NAA35: variants seen among roughly 807,000 people sequenced by gnomAD.
NAA35 encodes the protein MAK10 homolog, amino-acid N-acetyltransferase subunit.
A neutral mutation model predicts 101.7 loss-of-function variants in NAA35; 18 were observed. The observed-to-expected ratio is 0.18, with a 90% CI of 0.12 to 0.26. The LOEUF (loss-of-function observed/expected upper bound fraction) is 0.26, where lower values mean the gene tolerates loss of function less well. Among genes scored for constraint, NAA35 ranks in the 10% least tolerant of loss-of-function variants. The pLI, the probability that NAA35 is intolerant of heterozygous loss-of-function variation, is 1.00. For missense variants in NAA35, 601 were observed against 886.8 expected, an observed-to-expected ratio of 0.68 and a Z score of 4.09; for synonymous variants, 267 against 273.1, an observed-to-expected ratio of 0.98 and a Z score of 0.22.
At chr9:86,005,865 G>A (rs980446130) in intron 13 of NAA35, among the ~76,000 whole-genome samples, 1 of 151,278 alleles carries the variant, frequency 6.6e-6, no homozygotes, top group Non-Finnish European at 1.5e-5. Context: ...TCACCTTTCA[G>A]AATATCTTTA....
chr9:85,966,717 C>A, intron 6 of NAA35: 3 of 948,400 alleles, frequency 3.2e-6, no homozygotes, highest in Non-Finnish European at 4.4e-6. Flanking sequence ...ATTAGCACAG[C>A]TGTCTTGGCA....
At position 86,022,391 on chromosome 9, in the gene NAA35, G is replaced by A. The variant is rs902668321; in HGVS notation, c.*431G>A. Reference sequence around the variant, plus strand: ...TTAACATTTGAGTAGTTCCAAAAACGTTATCCAAAAGAAGTTTCAAATCAA... The same window carrying A: ...TTAACATTTGAGTAGTTCCAAAAACATTATCCAAAAGAAGTTTCAAATCAA... On this transcript the variant is annotated 3_prime_UTR_variant, in exon 23 of 23. Transcript: ENST00000361671. The A allele has an allele frequency of 6.5e-6, 1 of 152,852 alleles. No individual in the cohort carries two copies. The highest frequency in any genetic ancestry group is 6.5e-5 in the Admixed American group (1 of 15,280). The allele number at this position is 152,852 out of a possible 1,614,324, so 9.5% of individuals were successfully genotyped here. A position where few individuals can be genotyped will look rare whatever the true frequency, so the allele number is the denominator to read the frequency against.
Position 85,977,416 on chromosome 9 carries a change from G to C in NAA35, c.732G>C (p.Leu244=). The change falls in exon 10 of 23, where the codon CTG becomes CTC. Residue 244 remains leucine, a synonymous_variant. Transcript: ENST00000361671. Reference sequence around the variant, plus strand: ...GAGTGAAATTTACTCGTGTGTTACTGACAGTGCTTATAGCCTTTACTAAGA... The same window carrying C: ...GAGTGAAATTTACTCGTGTGTTACTCACAGTGCTTATAGCCTTTACTAAGA... The part of the protein sequence containing the change: ...FSRVKFTRVL[L]TVLIAFTKKE... 1 of 1,611,430 alleles carries C rather than the reference G, an allele frequency of 6.2e-7. No individual in the cohort carries two copies. The highest frequency in any genetic ancestry group is 8.5e-7 in the Non-Finnish European group (1 of 1,178,094).
chr9:86,015,076 T>G (rs1832138668), intron 17 of NAA35, among the ~76,000 whole-genome samples: 1 of 152,152 alleles, frequency 6.6e-6, no homozygotes, highest in Non-Finnish European at 1.5e-5. Context: ...TTTTGTTCCT[T>G]TTTATAGGGG....
intron 2 of NAA35, among the ~76,000 whole-genome samples, chr9:85,950,584 A>G (rs1828976194): frequency 6.6e-6 from 1 of 152,058 alleles, no homozygotes; most frequent in Non-Finnish European, 1.5e-5. Flanking sequence ...ATCTAGTCTA[A>G]CCTTTCATTT....
At chr9:85,989,275 A>G (rs1830790287) in intron 11 of NAA35, among the ~76,000 whole-genome samples, 1 of 151,886 alleles carries the variant, frequency 6.6e-6, no homozygotes, top group African/African-American at 2.4e-5. Context: ...GTTTGAGACC[A>G]GCCTGACCAA....
intron 6 of NAA35, among the ~76,000 whole-genome samples, chr9:85,970,949 TACTC>T (rs909170575): frequency 6.6e-6 from 1 of 152,234 alleles, no homozygotes; most frequent in Non-Finnish European, 1.5e-5. Context: ...TGTTTGTTAA[TACTC>T]ACAAACTGTC....
chr9:85,962,490 C>CAAAAAAAAAAAAAAA (rs781302881), intron 6 of NAA35, among the ~76,000 whole-genome samples: 20 of 85,818 alleles, frequency 2.3e-4, no homozygotes, highest in South Asian at 4.5e-4. Context: ...GACTCTGTCT[C>CAAAAAAAAAAAAAAA]AAAAAAAAAA....
chr9:85,987,203 G>C (rs1032512688), intron 11 of NAA35, among the ~76,000 whole-genome samples: 2 of 152,198 alleles, frequency 1.3e-5, no homozygotes, highest in African/African-American at 4.8e-5. Flanking sequence ...AGGATTGATT[G>C]TTGGTTTTAA....
intron 6 of NAA35, among the ~76,000 whole-genome samples, chr9:85,973,417 A>C (rs1830077853): frequency 6.6e-6 from 1 of 152,174 alleles, no homozygotes; most frequent in Admixed American, 6.5e-5. Flanking sequence ...AGTTGTCTGG[A>C]GGTGGTTACA....
intron 12 of NAA35, among the ~76,000 whole-genome samples, chr9:86,000,607 T>C (rs1831383121): frequency 6.6e-6 from 1 of 152,130 alleles, no homozygotes; most frequent in Non-Finnish European, 1.5e-5. Flanking sequence ...GGAATCAGTT[T>C]CTTCCTGGCT....
intron 5 of NAA35, among the ~76,000 whole-genome samples, chr9:85,961,491 T>C (rs935233649): frequency 1.3e-5 from 2 of 152,212 alleles, no homozygotes; most frequent in Admixed American, 6.5e-5. Flanking sequence ...GCCAGACATA[T>C]AGTGGTCACT....
Position 86,020,987 on chromosome 9 carries a change from A to G in NAA35, c.2118+18A>G. On this transcript the variant is annotated intron_variant, in intron 22 of 22. Coordinates refer to ENST00000361671, the MANE Select transcript of NAA35 (RefSeq NM_024635.4). ...AATCTAAAGTGAGTACATTGTGGGA[A>G]AAATAAGTGGTCTTAGATTATTGTG... 1 of 1,566,546 alleles carries G rather than the reference A, an allele frequency of 6.4e-7. No individual in the cohort carries two copies. Among genetic ancestry groups the G allele is most frequent in the Non-Finnish European group, 8.8e-7 (1 of 1,141,082 alleles).
At chr9:85,941,893 TTTC>T (rs1587541866) in intron 1 of NAA35, 4 of 1,170,976 alleles carry the variant, frequency 3.4e-6, no homozygotes, top group Admixed American at 4.2e-5. Context: ...GTTTGTGATT[TTTC>T]TTCTTAAACA....
chr9:85,973,338 T>C (rs992983505), intron 6 of NAA35, among the ~76,000 whole-genome samples: 2 of 152,194 alleles, frequency 1.3e-5, no homozygotes, highest in Non-Finnish European at 2.9e-5. Flanking sequence ...ATGTGACTTA[T>C]TTTCAGACAA....
chr9:85,989,044 G>T (rs1310082015), intron 11 of NAA35, among the ~76,000 whole-genome samples: 5 of 152,172 alleles, frequency 3.3e-5, no homozygotes, highest in Admixed American at 3.3e-4. Context: ...AGGATAAATT[G>T]ATAAAGAATT....
chr9:85,948,169 T>G (rs1828848939), intron 2 of NAA35, among the ~76,000 whole-genome samples: 1 of 152,182 alleles, frequency 6.6e-6, no homozygotes, highest in Non-Finnish European at 1.5e-5. Flanking sequence ...CCCCTTATAG[T>G]TATAGGTAGC....
chr9:85,966,699 T>G (rs1394589643), intron 6 of NAA35: 2 of 1,097,950 alleles, frequency 1.8e-6, no homozygotes, highest in Non-Finnish European at 1.2e-6. Flanking sequence ...CTGTTTTTAC[T>G]AGTATACATT....
At chr9:85,990,424 G>C (rs1830852723) in intron 11 of NAA35, among the ~76,000 whole-genome samples, 2 of 152,210 alleles carry the variant, frequency 1.3e-5, no homozygotes, top group African/African-American at 4.8e-5. Context: ...AAGGTAAAGG[G>C]AGGTCTTTAG....
Sources: allele counts gnomAD v4.1 joint callset (sites outside exome capture counted in the v4.1 genomes callset), GRCh38; gene constraint gnomAD v4.1.1; transcripts MANE v1.5; gene names NCBI Gene and HGNC (gene_info 2026-07-23, HGNC 2026-07-21).